The following MGAT5 variants were observed in gnomAD, a reference collection of about 807,000 sequenced individuals.
The protein encoded by MGAT5 is alpha-1,6-mannosylglycoprotein 6-beta-N-acetylglucosaminyltransferase.
A neutral mutation model predicts 94.3 loss-of-function variants in MGAT5; 30 were observed. That is an observed-to-expected ratio of 0.32 (90% CI 0.24 to 0.43). The LOEUF (loss-of-function observed/expected upper bound fraction) is 0.43, where lower values mean the gene tolerates loss of function less well. Ranked by LOEUF, MGAT5 falls within the 20% of genes least tolerant of loss-of-function variation. The probability of loss-of-function intolerance (pLI) is 1.00; values close to 1 mark genes in which losing one functional copy is unlikely to be tolerated. For synonymous variants in MGAT5, 310 were observed against 322.9 expected (o/e 0.96, Z 0.43); for missense variants, 691 against 905.5 (o/e 0.76, Z 3.04).
intron 1 of MGAT5, among the ~76,000 whole-genome samples, chr2:134,182,506 G>T (rs1160202147): frequency 6.6e-6 from 1 of 152,166 alleles, no homozygotes; most frequent in African/African-American, 2.4e-5. Context: ...TTAAGACTTT[G>T]TGTTGATTGA....
intron 1 of MGAT5, among the ~76,000 whole-genome samples, chr2:134,198,574 A>G (rs1271814299): frequency 6.6e-6 from 1 of 152,194 alleles, no homozygotes; most frequent in Non-Finnish European, 1.5e-5. Flanking sequence ...AGGGGAGCAT[A>G]GTCAACCTAC....
chr2:134,368,644 A>G lies in MGAT5; in HGVS notation c.1380+6236A>G, dbSNP rs575276516. Among the ~76,000 whole-genome samples the G allele has an allele frequency of 6.0e-4, 91 of 152,328 alleles. 3 individuals carry two copies. The South Asian group carries it at 0.018, about 31-fold the overall frequency. On this transcript the variant is annotated intron_variant, in intron 10 of 15. Transcript: ENST00000281923. ...GCAGCAGCCAGAGTGATCTTTTCTA[A>G]AATGCAAACTGAATCGTGCTACTCC...
At chr2:134,363,253 C>A (rs998643965) in intron 10 of MGAT5, among the ~76,000 whole-genome samples, 1 of 152,160 alleles carries the variant, frequency 6.6e-6, no homozygotes, top group African/African-American at 2.4e-5. Flanking sequence ...TTCTTGCTAG[C>A]CAAGGAAGTT....
At chr2:134,306,454 T>C (rs1429066604) in intron 2 of MGAT5, among the ~76,000 whole-genome samples, 1 of 152,214 alleles carries the variant, frequency 6.6e-6, no homozygotes, top group South Asian at 2.1e-4. Flanking sequence ...CCACCAAGCA[T>C]TGTGACAAAA....
At chr2:134,256,022 T>C (rs1295234790) in intron 1 of MGAT5, among the ~76,000 whole-genome samples, 1 of 152,238 alleles carries the variant, frequency 6.6e-6, no homozygotes, top group Non-Finnish European at 1.5e-5. Flanking sequence ...GAGGAACATT[T>C]TAGAAATTCT....
intron 2 of MGAT5, among the ~76,000 whole-genome samples, chr2:134,281,276 C>T (rs1009626505): frequency 2.6e-5 from 4 of 152,126 alleles, no homozygotes; most frequent in South Asian, 2.1e-4. Flanking sequence ...AAGCAGTGGT[C>T]ACAAACATAA....
chr2:134,269,524 C>G (rs1448364672), intron 1 of MGAT5, among the ~76,000 whole-genome samples: 1 of 152,192 alleles, frequency 6.6e-6, no homozygotes, highest in Non-Finnish European at 1.5e-5. Flanking sequence ...CTGACACATA[C>G]AAGTCAGTAT....
chr2:134,255,484 TACATATATATAC>T (rs1682894878), intron 1 of MGAT5, among the ~76,000 whole-genome samples: 1 of 143,316 alleles, frequency 7.0e-6, no homozygotes, highest in South Asian at 2.1e-4. Context: ...TATACATATA[TACATATATATAC>T]ACATATATAC....
At chr2:134,233,370 T>G (rs768114413) in intron 1 of MGAT5, among the ~76,000 whole-genome samples, 8 of 152,244 alleles carry the variant, frequency 5.3e-5, no homozygotes, top group Non-Finnish European at 1.0e-4. Context: ...TAGCAATCTT[T>G]ACCAATGCTA....
At chr2:134,222,037 T>C (rs1338019963) in intron 1 of MGAT5, among the ~76,000 whole-genome samples, 1 of 151,900 alleles carries the variant, frequency 6.6e-6, no homozygotes, top group African/African-American at 2.4e-5. Context: ...TTGATGGTAA[T>C]AGTTTTAAAT....
chr2:134,384,529 T>A (rs1363227587), intron 10 of MGAT5, among the ~76,000 whole-genome samples: 3 of 152,190 alleles, frequency 2.0e-5, no homozygotes, highest in African/African-American at 7.2e-5. Flanking sequence ...AAAGTCTCAG[T>A]TAAAAAAAAT....
At chr2:134,419,442 T>TTGTGTCTG (rs1553464140) in intron 12 of MGAT5, among the ~76,000 whole-genome samples, 1 of 134,136 alleles carries the variant, frequency 7.5e-6, no homozygotes, top group Non-Finnish European at 1.6e-5. Context: ...GCTTCAGGGT[T>TTGTGTCTG]TGTGTGTGTG....
At position 134,354,375 on chromosome 2, in the gene MGAT5, A is replaced by T. The variant is rs191962476; in HGVS notation, c.1246+4437A>T. On this transcript the variant is annotated intron_variant, in intron 9 of 15. Transcript: ENST00000281923. ...TGTAGCAGTATTGTGGTTCATGTGC[A>T]GACAGAGAGCGTGGGGAAGGCCAGT... 3.9e-5 allele frequency among the ~76,000 whole-genome samples: 6 copies of T among 152,308 alleles called. No homozygotes were observed. In the East Asian group the frequency reaches 1.2e-3, roughly 29 times the overall value.
intron 12 of MGAT5, among the ~76,000 whole-genome samples, chr2:134,418,408 C>T (rs1175892420): frequency 6.6e-6 from 1 of 152,182 alleles, no homozygotes; most frequent in African/African-American, 2.4e-5. Context: ...TTTCAACAGT[C>T]GCTCAGCAAG....
chr2:134,161,311 G>A (rs1247335738), intron 1 of MGAT5, among the ~76,000 whole-genome samples: 1 of 152,212 alleles, frequency 6.6e-6, no homozygotes, highest in African/African-American at 2.4e-5. Flanking sequence ...CTAGCCTTGG[G>A]GGCTGGGTTG....
chr2:134,370,105 G>C (rs1385836137), intron 10 of MGAT5, among the ~76,000 whole-genome samples: 1 of 152,088 alleles, frequency 6.6e-6, no homozygotes, highest in Non-Finnish European at 1.5e-5. Flanking sequence ...TGGTTGACTT[G>C]GGCTTAGTTT....
intron 9 of MGAT5, among the ~76,000 whole-genome samples, chr2:134,360,045 A>G (rs1273836294): frequency 2.0e-5 from 3 of 152,240 alleles, no homozygotes; most frequent in African/African-American, 7.2e-5. Context: ...GCCTTGGCTC[A>G]TTAAACGTGG....
At chr2:134,202,697 A>T (rs1028677990) in intron 1 of MGAT5, among the ~76,000 whole-genome samples, 6 of 152,228 alleles carry the variant, frequency 3.9e-5, no homozygotes, top group African/African-American at 1.4e-4. Flanking sequence ...TCTTCAGAGC[A>T]TGTTTTAGCC....
At chr2:134,341,941 T>C (rs1470887389) in intron 7 of MGAT5, among the ~76,000 whole-genome samples, 182 bp downstream of exon 7, 1 of 152,176 alleles carries the variant, frequency 6.6e-6, no homozygotes, top group East Asian at 1.9e-4. Context: ...AAGGATAATA[T>C]GTTTTCATTG....
Sources: allele counts gnomAD v4.1 joint callset (sites outside exome capture counted in the v4.1 genomes callset), GRCh38; gene constraint gnomAD v4.1.1; transcripts MANE v1.5; gene names NCBI Gene and HGNC (gene_info 2026-07-23, HGNC 2026-07-21).